ZNF385D: variants seen among roughly 807,000 people sequenced by gnomAD.
ZNF385D encodes the protein zinc finger protein 659.
Under a neutral mutation model 35.8 loss-of-function variants are expected in ZNF385D, and 15 were observed. That is an observed-to-expected ratio of 0.42 (90% confidence interval 0.28 to 0.64). The LOEUF is 0.64. Ranked by LOEUF, ZNF385D falls within the 30% of genes least tolerant of loss-of-function variation. The probability of loss-of-function intolerance (pLI) is 0.23; values close to 1 mark genes in which losing one functional copy is unlikely to be tolerated. For missense variants in ZNF385D, 474 were observed against 494.6 expected (o/e 0.96, Z 0.39); for synonymous variants, 212 against 186.8 (o/e 1.13, Z -1.10).
intron 3 of ZNF385D, among the ~76,000 whole-genome samples, chr3:22,078,978 T>C (rs1444802169): frequency 6.6e-6 from 1 of 152,094 alleles, no homozygotes; most frequent in Non-Finnish European, 1.5e-5. Context: ...AGATTATGTA[T>C]GCTTACCTTA....
At chr3:21,469,595 G>C (rs1380740229) in intron 4 of ZNF385D, among the ~76,000 whole-genome samples, 1 of 151,894 alleles carries the variant, frequency 6.6e-6, no homozygotes, top group Non-Finnish European at 1.5e-5. Flanking sequence ...TTATACTCTG[G>C]GAAAAGTTTT....
rs1440979643 is a variant in ZNF385D at position 21,923,957 on chromosome 3, C to T, written c.325+244860G>A. Among the ~76,000 whole-genome samples the T allele has an allele frequency of 2.6e-5, 4 of 151,932 alleles. No individual in the cohort carries two copies. The South Asian group carries it at 6.2e-4, about 24-fold the overall frequency. ...CCTGAATTTAAAATAAAAGTTGAAACGAAAATCCTGGAATAAAATAAAGTA... is the reference window on the plus strand; with the variant it reads ...CCTGAATTTAAAATAAAAGTTGAAATGAAAATCCTGGAATAAAATAAAGTA... On this transcript the variant is annotated intron_variant, in intron 3 of 5. Transcript: ENST00000494108.
intron 1 of ZNF385D, among the ~76,000 whole-genome samples, chr3:21,699,823 C>CTTTT (rs1006362754): frequency 5.7e-4 from 51 of 88,890 alleles, no homozygotes; most frequent in East Asian, 6.5e-4. Context: ...GTTTCTTTTC[C>CTTTT]TTTTTTTTTT....
chr3:22,371,799 A>G (rs1696918976), intron 2 of ZNF385D, among the ~76,000 whole-genome samples: 1 of 152,128 alleles, frequency 6.6e-6, no homozygotes, highest in South Asian at 2.1e-4. Flanking sequence ...CCTGGCTTAC[A>G]CTCAGCCTCC....
chr3:22,077,673 T>C (rs565420330), intron 3 of ZNF385D, among the ~76,000 whole-genome samples: 2 of 152,132 alleles, frequency 1.3e-5, no homozygotes, highest in East Asian at 3.9e-4. Context: ...TCACATGTAA[T>C]GATTTCCCTC....
At chr3:21,921,567 A>T (rs1027643214) in intron 3 of ZNF385D, among the ~76,000 whole-genome samples, 9 of 152,116 alleles carry the variant, frequency 5.9e-5, no homozygotes, top group African/African-American at 1.7e-4. Flanking sequence ...TTCCTCTTTT[A>T]AAAAAGGCAG....
chr3:21,679,476 TAAGA>T (rs1458935893), intron 1 of ZNF385D, among the ~76,000 whole-genome samples: 2 of 152,092 alleles, frequency 1.3e-5, no homozygotes, highest in Non-Finnish European at 2.9e-5. Flanking sequence ...CTATGGTGTC[TAAGA>T]AAGAGTTTTG....
chr3:22,122,014 T>C (rs1703113962), intron 3 of ZNF385D, among the ~76,000 whole-genome samples: 1 of 152,146 alleles, frequency 6.6e-6, no homozygotes, highest in African/African-American at 2.4e-5. Flanking sequence ...TGATCATTAC[T>C]GAGATGACAC....
intron 3 of ZNF385D, among the ~76,000 whole-genome samples, chr3:21,997,043 C>T (rs534835563): frequency 6.7e-6 from 1 of 148,336 alleles, no homozygotes; most frequent in Admixed American, 6.6e-5. Flanking sequence ...ATCAAAGGAA[C>T]AGTTTTAAAA....
chr3:22,364,850 G>T (rs114597952), intron 2 of ZNF385D, among the ~76,000 whole-genome samples: 1 of 152,056 alleles, frequency 6.6e-6, no homozygotes, highest in Non-Finnish European at 1.5e-5. Context: ...AGCAATCTAA[G>T]TGTCTATGGA....
chr3:22,062,385 C>T (rs1304285185), intron 3 of ZNF385D, among the ~76,000 whole-genome samples: 1 of 152,112 alleles, frequency 6.6e-6, no homozygotes, highest in Non-Finnish European at 1.5e-5. Flanking sequence ...AATCTTTCTT[C>T]TAAGTGGAAG....
intron 2 of ZNF385D, among the ~76,000 whole-genome samples, chr3:22,284,276 C>A (rs1374508025): frequency 1.3e-5 from 2 of 152,062 alleles, no homozygotes; most frequent in Non-Finnish European, 2.9e-5. Context: ...GCAACCTTTG[C>A]CTCCCAGGTT....
At position 21,465,582 on chromosome 3, in the gene ZNF385D, A is replaced by G. The variant is rs565520252; in HGVS notation, c.440-28379T>C. 2.2e-4 allele frequency among the ~76,000 whole-genome samples: 33 copies of G among 152,196 alleles called. No homozygotes were observed. The highest frequency in any genetic ancestry group is 4.0e-4 in the Non-Finnish European group (27 of 68,040). ...AGGGCATAAGCCTGAATTTTCAAAT[A>G]CATCCTTCCAGAATGTATTCGAGTT... is the stretch of plus-strand genomic sequence containing the variant. On this transcript the variant is annotated intron_variant, in intron 4 of 7. Transcript: ENST00000281523. The surrounding 1 kb of genome is among the most constrained non-coding windows in gnomAD (Gnocchi z 4.2).
At chr3:21,814,418 T>G (rs9823595) in intron 3 of ZNF385D, among the ~76,000 whole-genome samples, 55,695 of 151,878 alleles carry the variant, frequency 0.37, 11,130 homozygotes, top group African/African-American at 0.52. Context: ...GACCCATCAG[T>G]GTGCTGTATT....
At chr3:22,336,149 G>A (rs940821034) in intron 2 of ZNF385D, among the ~76,000 whole-genome samples, 2 of 151,998 alleles carry the variant, frequency 1.3e-5, no homozygotes, top group East Asian at 1.9e-4. Flanking sequence ...ATTGGATAAG[G>A]CTCACATGGT....
intron 4 of ZNF385D, among the ~76,000 whole-genome samples, chr3:21,454,207 G>C (rs557094318): frequency 1.1e-3 from 172 of 152,062 alleles, no homozygotes; most frequent in African/African-American, 3.8e-3. Flanking sequence ...AAGGAGAAAA[G>C]GGGGAATTAA....
At chr3:22,371,797 A>C (rs561175645) in intron 2 of ZNF385D, among the ~76,000 whole-genome samples, 1 of 152,288 alleles carries the variant, frequency 6.6e-6, no homozygotes, top group Admixed American at 6.5e-5. Flanking sequence ...GCCCTGGCTT[A>C]CACTCAGCCT....
intron 3 of ZNF385D, among the ~76,000 whole-genome samples, chr3:22,061,590 C>A (rs1207979133): frequency 6.6e-6 from 1 of 152,186 alleles, no homozygotes; most frequent in Non-Finnish European, 1.5e-5. Flanking sequence ...AGGATCTGAT[C>A]CTCAATTACA....
At chr3:21,939,082 T>A (rs1424229311) in intron 3 of ZNF385D, among the ~76,000 whole-genome samples, 5 of 152,094 alleles carry the variant, frequency 3.3e-5, no homozygotes, top group Admixed American at 3.3e-4. Flanking sequence ...GGCAACTAAA[T>A]GGGAGTTAAA....
Sources: gnomAD v4.1 joint callset for allele counts (sites outside exome capture counted in the v4.1 genomes callset) on GRCh38, gnomAD v4.1.1 for gene constraint, Gnocchi (gnomAD v3.1) non-coding constraint, MANE v1.5 for transcripts, NCBI Gene and HGNC (gene_info 2026-07-23, HGNC 2026-07-21) for gene names.